Variants in SYNE2 observed in about 807,000 individuals in gnomAD.
SYNE2 encodes the protein spectrin repeat containing nuclear envelope protein 2.
SYNE2 carries 431 observed loss-of-function variants against 856.3 expected under a neutral mutation model. The ratio of observed to expected loss-of-function variants is 0.50; its 90% CI spans 0.47 to 0.55. SYNE2 has a LOEUF of 0.55. Ranked by LOEUF, SYNE2 falls within the 20% of genes least tolerant of loss-of-function variation. SYNE2 has a pLI of 0.00. For synonymous variants in SYNE2, 2,923 were observed against 2,872.3 expected (o/e 1.02, Z -0.56); for missense variants, 8,129 against 8,023.2 (o/e 1.01, Z -0.50).
chr14:63,973,790 A>G (rs939422857), intron 11 of SYNE2, among the ~76,000 whole-genome samples: 58 of 152,332 alleles, frequency 3.8e-4, no homozygotes, highest in African/African-American at 1.3e-3. Context: ...GCCTTAAAGG[A>G]ACCCAGCTTT....
At chr14:64,216,020 CA>C in intron 107 of SYNE2, 1 of 1,452,714 alleles carries the variant, frequency 6.9e-7, no homozygotes, top group Non-Finnish European at 9.1e-7. Context: ...CATCCCACAG[CA>C]AATCATGTTG....
At position 64,214,348 on chromosome 14, in the gene SYNE2, C is replaced by T; in HGVS notation, c.19211C>T (p.Ser6404Phe). Residue 6404 changes from serine (S) to phenylalanine (F), a missense_variant, in exon 106 of 116, where the codon TCT becomes TTT. Coordinates refer to ENST00000555002, the MANE Select transcript of SYNE2 (RefSeq NM_182914.3). ...CTAGTGGCCCCAGGGCACGAGCGGT[C>T]TGGCTGCGAGACCCCTGTCAGCGTG... Reference protein sequence around the residue: ...CHLVAPGHERSGCETPVSVDS... With the variant: ...CHLVAPGHERFGCETPVSVDS... 2.5e-6 allele frequency: 4 copies of T among 1,614,102 alleles called. No homozygotes were observed. The highest frequency in any genetic ancestry group is 3.4e-6 in the Non-Finnish European group (4 of 1,180,008).
intron 64 of SYNE2, among the ~76,000 whole-genome samples, chr14:64,106,574 A>T (rs1195273338): frequency 1.3e-5 from 2 of 152,244 alleles, no homozygotes; most frequent in African/African-American, 4.8e-5. Context: ...GCGTGAACCC[A>T]GGAGGCGGAG....
intron 43 of SYNE2, among the ~76,000 whole-genome samples, chr14:64,028,797 A>G (rs1443324993): frequency 6.6e-6 from 1 of 152,114 alleles, no homozygotes; most frequent in Non-Finnish European, 1.5e-5. Context: ...CCACCTTCTT[A>G]TCAGTGCCCC....
intron 1 of SYNE2, among the ~76,000 whole-genome samples, chr14:63,854,053 C>G (rs925061585): frequency 2.0e-5 from 3 of 151,926 alleles, no homozygotes; most frequent in African/African-American, 4.8e-5. Context: ...CCCCTCCCTC[C>G]GTGAAAGGGA....
chr14:64,021,546 C>T, intron 36 of SYNE2, 31 bp downstream of exon 36: 1 of 1,609,752 alleles, frequency 6.2e-7, no homozygotes, highest in Non-Finnish European at 8.5e-7. Context: ...TTCTGTGGTT[C>T]AGATTTATTT....
chr14:64,143,679 G>A, intron 82 of SYNE2, 93 bp from the exon 83 acceptor site: 1 of 1,360,416 alleles, frequency 7.4e-7, no homozygotes. Context: ...TTAATGGACG[G>A]GAGCTTGGTG....
upstream of SYNE2, chr14:63,852,855 G>T (rs970196652): frequency 2.6e-4 from 39 of 152,152 alleles, 1 homozygote; most frequent in African/African-American, 9.1e-4. Context: ...CCGGGCTGCG[G>T]CGGGGCCTGC....
intron 52 of SYNE2, among the ~76,000 whole-genome samples, chr14:64,072,435 T>G (rs1451389245): frequency 2.6e-5 from 4 of 151,548 alleles, no homozygotes; most frequent in Admixed American, 6.6e-5. Context: ...GGGGGCTCAA[T>G]CCATCCCACA....
At chr14:64,050,596 TGG>T (rs944390050) in intron 47 of SYNE2, among the ~76,000 whole-genome samples, 1 of 152,220 alleles carries the variant, frequency 6.6e-6, no homozygotes, top group African/African-American at 2.4e-5. Flanking sequence ...TTAAATAGTT[TGG>T]TATATATTGA....
intron 28 of SYNE2, among the ~76,000 whole-genome samples, chr14:64,001,629 G>C (rs963260320): frequency 6.6e-6 from 1 of 152,240 alleles, no homozygotes; most frequent in African/African-American, 2.4e-5. Context: ...GTCTGGCCCA[G>C]TGGGTCATGG....
chr14:64,031,195 G>A lies in SYNE2; in HGVS notation c.7059G>A (p.Met2353Ile). The A allele has an allele frequency of 1.2e-6, 2 of 1,614,156 alleles. No individual in the cohort carries two copies. The highest frequency in any genetic ancestry group is 1.7e-6 in the Non-Finnish European group (2 of 1,180,016). ...GGCTTGCATCTGCTAAGCAGGAGAT[G>A]GAATGTTGTCTCAACAGCATTCTCA... ...ENRLASAKQEMECCLNSILKS... is the reference protein window; with the variant it reads ...ENRLASAKQEIECCLNSILKS... Residue 2353 changes from methionine (M) to isoleucine (I), a missense_variant, in exon 45 of 116, where the codon ATG (methionine) becomes ATA (isoleucine). Transcript: ENST00000555002.
intron 67 of SYNE2, among the ~76,000 whole-genome samples, chr14:64,120,528 CTGA>C (rs1257350292): frequency 6.6e-6 from 1 of 152,056 alleles, no homozygotes; most frequent in African/African-American, 2.4e-5. Context: ...CTTTGGGAGG[CTGA>C]GGCAGGCAGA....
chr14:63,903,218 T>A (rs1444121709), intron 1 of SYNE2, among the ~76,000 whole-genome samples: 1 of 152,230 alleles, frequency 6.6e-6, no homozygotes, highest in Non-Finnish European at 1.5e-5. Flanking sequence ...TTTTGACAAA[T>A]AATTGTGCTA....
chr14:63,840,433 TCCTTCCTTCCTTCCTTCCTC>T (rs1442378298), intron 1 of SYNE2, among the ~76,000 whole-genome samples: 1,463 of 103,262 alleles, frequency 0.014, 22 homozygotes, highest in South Asian at 0.05. Flanking sequence ...CTTCCTTCCT[TCCTTCCTTCCTTCCTTCCTC>T]CCTCCCTCCC....
intron 12 of SYNE2, among the ~76,000 whole-genome samples, chr14:63,977,550 G>T (rs975254245): frequency 6.6e-6 from 1 of 152,172 alleles, no homozygotes; most frequent in Admixed American, 6.6e-5. Flanking sequence ...AAAGGGGGTA[G>T]TTTCATCCTA....
chr14:64,068,233 G>A (rs1378512836), intron 51 of SYNE2, among the ~76,000 whole-genome samples: 1 of 152,092 alleles, frequency 6.6e-6, no homozygotes, highest in Non-Finnish European at 1.5e-5. Flanking sequence ...CAAAATCAAG[G>A]TTTAAGACAA....
At chr14:64,007,017 A>T (rs1249096581) in intron 30 of SYNE2, 26 bp from the exon 31 acceptor site, 1 of 1,591,748 alleles carries the variant, frequency 6.3e-7, no homozygotes, top group African/African-American at 1.3e-5. Flanking sequence ...GTTGGCTATC[A>T]AACTTTTTTC....
intron 47 of SYNE2, among the ~76,000 whole-genome samples, chr14:64,050,199 C>CA (rs754226592): frequency 9.9e-5 from 15 of 152,176 alleles, no homozygotes; most frequent in Non-Finnish European, 2.1e-4. Flanking sequence ...GCTGTGTCCT[C>CA]ATGTGGTAGC....
Sources: allele counts gnomAD v4.1 joint callset (sites outside exome capture counted in the v4.1 genomes callset), GRCh38; gene constraint gnomAD v4.1.1; transcripts MANE v1.5; gene names NCBI Gene and HGNC (gene_info 2026-07-23, HGNC 2026-07-21).